CNNM2: variants seen among roughly 807,000 people sequenced by gnomAD.
CNNM2 encodes the protein metal transporter CNNM2.
Under a neutral mutation model 66.9 loss-of-function variants are expected in CNNM2, and 12 were observed. The observed-to-expected ratio is 0.18, with a 90% CI of 0.11 to 0.29. The LOEUF (loss-of-function observed/expected upper bound fraction) is 0.29. CNNM2 is among the 10% of genes least tolerant of loss of function. CNNM2 has a pLI of 1.00. For synonymous variants in CNNM2, 557 were observed against 501.8 expected (o/e 1.11, Z -1.47); for missense variants, 705 against 1,167.7 (o/e 0.60, Z 5.77).
At chr10:103,039,466 C>G (rs955400998) in intron 1 of CNNM2, among the ~76,000 whole-genome samples, 1 of 152,126 alleles carries the variant, frequency 6.6e-6, no homozygotes, top group African/African-American at 2.4e-5. Flanking sequence ...CCACAGTAGT[C>G]CGAAGACTTG....
chr10:102,978,689 G>C (rs1188716927), intron 1 of CNNM2, among the ~76,000 whole-genome samples: 4 of 152,202 alleles, frequency 2.6e-5, no homozygotes, highest in Non-Finnish European at 5.9e-5. Context: ...TGAGTTTGCA[G>C]TGAATTTTCG....
chr10:103,057,047 T>G, intron 4 of CNNM2, 83 bp downstream of exon 4: 1 of 1,394,470 alleles, frequency 7.2e-7, no homozygotes, highest in Non-Finnish European at 9.8e-7. Context: ...TGTCACCGTG[T>G]ACATACTGAA....
intron 4 of CNNM2, among the ~76,000 whole-genome samples, chr10:103,063,240 G>A (rs777150370): frequency 2.0e-5 from 3 of 152,122 alleles, no homozygotes; most frequent in Non-Finnish European, 2.9e-5. Context: ...AGAGAGTGTC[G>A]GGGCACCAGG....
rs7094719 is a variant in CNNM2 at position 103,046,872 on chromosome 10, A to T, written c.1622-2835A>T. On this transcript the variant is annotated intron_variant, in intron 1 of 7. Transcript: ENST00000369878. Reference sequence around the variant, plus strand: ...GATGGGTATTCTCCTTTGATATTACATCAAAACTCCATACATAGTAATTTA... The same window carrying T: ...GATGGGTATTCTCCTTTGATATTACTTCAAAACTCCATACATAGTAATTTA... Among the ~76,000 whole-genome samples, 1,291 of 152,344 alleles carry T rather than the reference A, an allele frequency of 8.5e-3. 22 individuals are homozygous for T. The highest frequency in any genetic ancestry group is 0.029 in the African/African-American group (1,186 of 41,578).
intron 1 of CNNM2, among the ~76,000 whole-genome samples, chr10:103,025,648 A>G (rs1013100291): frequency 6.6e-6 from 1 of 152,212 alleles, no homozygotes; most frequent in East Asian, 1.9e-4. Flanking sequence ...TAGTGCATGA[A>G]TCACATCCGT....
intron 4 of CNNM2, among the ~76,000 whole-genome samples, chr10:103,065,012 G>T (rs551282418): frequency 6.6e-6 from 1 of 152,314 alleles, no homozygotes; most frequent in Non-Finnish European, 1.5e-5. Flanking sequence ...CCGCAGCAGT[G>T]AATCTCAACT....
intron 5 of CNNM2, 135 bp downstream of exon 5, chr10:103,068,857 A>T: frequency 1.6e-6 from 1 of 640,676 alleles, no homozygotes; most frequent in South Asian, 2.1e-5. Context: ...GAAGTATATC[A>T]TATATGCAGA....
intron 1 of CNNM2, among the ~76,000 whole-genome samples, chr10:103,033,536 A>G (rs1393478331): frequency 6.6e-6 from 1 of 152,062 alleles, no homozygotes; most frequent in African/African-American, 2.4e-5. Context: ...AAGAAAAAAC[A>G]TGTACAAACA....
chr10:102,958,411 A>G (rs888226597), intron 1 of CNNM2, among the ~76,000 whole-genome samples: 4 of 150,364 alleles, frequency 2.7e-5, no homozygotes, highest in African/African-American at 7.3e-5. Flanking sequence ...CTCTTTTCCA[A>G]TATAAACTGT....
intron 1 of CNNM2, among the ~76,000 whole-genome samples, chr10:102,995,861 CAGCTAATTTTGTATTTTTAGT>C (rs1214206042): frequency 1.3e-5 from 2 of 152,132 alleles, no homozygotes; most frequent in South Asian, 2.1e-4. Context: ...CCACTCCCCC[CAGCTAATTTTGTATTTTTAGT>C]AGAGATGGGG....
At position 102,941,365 on chromosome 10, in the gene CNNM2, A is replaced by C. The variant is rs4917987; in HGVS notation, c.1621+21264A>C. 0.41 allele frequency among the ~76,000 whole-genome samples: 62,130 copies of C among 151,938 alleles called. 12,894 individuals carry two copies. Among genetic ancestry groups the C allele is most frequent in the East Asian group, 0.56 (2,868 of 5,166 alleles). Reference sequence around the variant, plus strand: ...TCAAGTGATCTGCCCGCCTTGGCCTACCAAAGTGCTGGGATTACAGGCGTG... The same window carrying C: ...TCAAGTGATCTGCCCGCCTTGGCCTCCCAAAGTGCTGGGATTACAGGCGTG... On this transcript the variant is annotated intron_variant, in intron 1 of 7. Coordinates refer to ENST00000369878, the MANE Select transcript of CNNM2 (RefSeq NM_017649.5).
Position 103,039,626 on chromosome 10 carries a change from T to C in CNNM2, c.1622-10081T>C, listed in dbSNP as rs556923125. Among the ~76,000 whole-genome samples, 369 of 152,302 alleles carry C rather than the reference T, an allele frequency of 2.4e-3. 2 individuals carry two copies. Among genetic ancestry groups the C allele is most frequent in the African/African-American group, 8.3e-3 (346 of 41,552 alleles). ...TAGAGAAATGACTTGTCTAAAATACTATTAAGAGTAATGTGGGTATAGAGT... is the reference window on the plus strand; with the variant it reads ...TAGAGAAATGACTTGTCTAAAATACCATTAAGAGTAATGTGGGTATAGAGT... On this transcript the variant is annotated intron_variant, in intron 1 of 7. Coordinates refer to ENST00000369878, the MANE Select transcript of CNNM2 (RefSeq NM_017649.5).
At chr10:103,022,368 A>G (rs1421615943) in intron 1 of CNNM2, among the ~76,000 whole-genome samples, 1 of 152,160 alleles carries the variant, frequency 6.6e-6, no homozygotes, top group Non-Finnish European at 1.5e-5. Context: ...TCCTGTGTTT[A>G]AACTCTTTCT....
chr10:102,929,985 T>G (rs1207450583), intron 1 of CNNM2, among the ~76,000 whole-genome samples: 1 of 152,234 alleles, frequency 6.6e-6, no homozygotes, highest in Non-Finnish European at 1.5e-5. Context: ...GGAAGGCAAC[T>G]GGGTGTCATA....
intron 1 of CNNM2, among the ~76,000 whole-genome samples, chr10:102,937,321 G>A (rs1349355515): frequency 6.6e-6 from 1 of 151,890 alleles, no homozygotes. Flanking sequence ...GCTGAGGTAG[G>A]AAGATAGCAA....
At chr10:103,058,918 C>T (rs1158307905) in intron 4 of CNNM2, among the ~76,000 whole-genome samples, 1 of 152,220 alleles carries the variant, frequency 6.6e-6, no homozygotes, top group East Asian at 1.9e-4. Context: ...GTTGGAAGTT[C>T]ATGCCACTTT....
intron 1 of CNNM2, among the ~76,000 whole-genome samples, chr10:103,018,902 C>A (rs2064510732): frequency 6.7e-6 from 1 of 150,314 alleles, no homozygotes; most frequent in Admixed American, 6.6e-5. Context: ...TGTGATCTAC[C>A]ACCTCAGCCT....
chr10:102,930,379 C>G (rs899279093), intron 1 of CNNM2, among the ~76,000 whole-genome samples: 1 of 152,106 alleles, frequency 6.6e-6, no homozygotes, highest in Admixed American at 6.6e-5. Flanking sequence ...TGAAAATCTC[C>G]TTGTTAACTT....
rs535993766 is a variant in CNNM2, at chr10:103,089,374, G to A, written c.*12194G>A. On this transcript the variant is annotated 3_prime_UTR_variant, in exon 8 of 8. Coordinates refer to ENST00000369878, the MANE Select transcript of CNNM2 (RefSeq NM_017649.5). Reference sequence around the variant, plus strand: ...CGTGTATCCAGATACACTGACATACGGATGATTTTAAAAGTGTCACAAGCC... The same window carrying A: ...CGTGTATCCAGATACACTGACATACAGATGATTTTAAAAGTGTCACAAGCC... 13 of 293,342 alleles carry A rather than the reference G, an allele frequency of 4.4e-5. No individual in the cohort carries two copies. The highest frequency in any genetic ancestry group is 2.6e-4 in the East Asian group (5 of 18,886). The allele number at this position is 293,342 out of a possible 1,614,324, so 18.2% of individuals were successfully genotyped here. A position where few individuals can be genotyped will look rare whatever the true frequency, so the allele number is the denominator to read the frequency against.
Sources: allele counts gnomAD v4.1 joint callset (sites outside exome capture counted in the v4.1 genomes callset), GRCh38; gene constraint gnomAD v4.1.1; transcripts MANE v1.5; gene names NCBI Gene and HGNC (gene_info 2026-07-23, HGNC 2026-07-21).